The following NAV3 variants were observed in gnomAD, a reference collection of about 807,000 sequenced individuals.
The protein encoded by NAV3 is pore membrane and/or filament interacting like protein 1.
In NAV3, 87 loss-of-function variants were observed where a neutral mutation model predicts 244.7. The observed-to-expected ratio is 0.36, with a 90% CI of 0.30 to 0.42. NAV3 has a LOEUF of 0.42. Among genes scored for constraint, NAV3 ranks in the 20% least tolerant of loss-of-function variants. The pLI is 1.00. For missense variants in NAV3, 2,663 were observed against 2,893.3 expected (o/e 0.92, Z 1.83); for synonymous variants, 1,126 against 1,042.2 (o/e 1.08, Z -1.55).
chr12:77,817,726 T>C (rs1440935733), intron 2 of NAV3, among the ~76,000 whole-genome samples: 1 of 152,178 alleles, frequency 6.6e-6, no homozygotes, highest in African/African-American at 2.4e-5. Flanking sequence ...GCAGTTATGG[T>C]CACCATATGC....
At chr12:78,045,966 T>C (rs1361588396) in intron 9 of NAV3, among the ~76,000 whole-genome samples, 1 of 152,164 alleles carries the variant, frequency 6.6e-6, no homozygotes, top group African/African-American at 2.4e-5. Flanking sequence ...CTTGGGAGGG[T>C]GTATGTGTCC....
Position 77,670,883 on chromosome 12 carries a change from G to T in NAV3, c.72+98617G>T, listed in dbSNP as rs79496627. Among the ~76,000 whole-genome samples, 8 of 152,134 alleles carry T rather than the reference G, an allele frequency of 5.3e-5. No individual in the cohort carries two copies. The East Asian group carries it at 1.5e-3, about 29-fold the overall frequency. On this transcript the variant is annotated intron_variant, in intron 2 of 8. Transcript: ENST00000550042. The stretch of plus-strand genomic sequence containing the variant: ...TTCTCCCTAAGAAGTGGAACAAGAC[G>T]AGGATGGGTACTTTCACCACTTGTA...
intron 2 of NAV3, among the ~76,000 whole-genome samples, chr12:77,743,860 A>C (rs966770640): frequency 3.3e-5 from 5 of 151,810 alleles, no homozygotes; most frequent in African/African-American, 4.8e-5. Flanking sequence ...TTTCTAATAC[A>C]CTGTTTGGCA....
chr12:77,712,032 G>A (rs1353126166), intron 2 of NAV3, among the ~76,000 whole-genome samples: 1 of 152,080 alleles, frequency 6.6e-6, no homozygotes, highest in Non-Finnish European at 1.5e-5. Flanking sequence ...GTGCATGTCT[G>A]TCCTTTAAAC....
intron 1 of NAV3, among the ~76,000 whole-genome samples, chr12:77,905,904 C>G (rs796268898): frequency 3.3e-5 from 5 of 152,106 alleles, no homozygotes; most frequent in African/African-American, 1.2e-4. Flanking sequence ...GACATGATGG[C>G]CTGCCAACTC....
In NAV3 at chr12:77,645,964, G is replaced by C. The variant is rs150364992; in HGVS notation, c.72+73698G>C. On this transcript the variant is annotated intron_variant, in intron 2 of 8. Transcript: ENST00000550042. Reference sequence around the variant, plus strand: ...TAACATTTTAGGAGTGGAATTGAGGGGTGACCTTAGGATTACTAGATTTTA... The same window carrying C: ...TAACATTTTAGGAGTGGAATTGAGGCGTGACCTTAGGATTACTAGATTTTA... Among the ~76,000 whole-genome samples, 855 of 152,006 alleles carry C rather than the reference G, an allele frequency of 5.6e-3. 7 individuals are homozygous for C. The highest frequency in any genetic ancestry group is 0.02 in the African/African-American group (810 of 41,468).
chr12:77,931,965 A>C (rs1888850393), intron 1 of NAV3, among the ~76,000 whole-genome samples: 1 of 151,910 alleles, frequency 6.6e-6, no homozygotes, highest in Admixed American at 6.6e-5. Context: ...TTTGTGATTC[A>C]TTATAGGCCA....
At chr12:77,974,503 G>A (rs1893294295) in intron 5 of NAV3, among the ~76,000 whole-genome samples, 1 of 150,706 alleles carries the variant, frequency 6.6e-6, no homozygotes, top group South Asian at 2.1e-4. Context: ...TCACCATGTT[G>A]GCCATGGTGG....
intron 33 of NAV3, among the ~76,000 whole-genome samples, chr12:78,189,239 A>G (rs189880189): frequency 3.4e-4 from 52 of 152,020 alleles, no homozygotes; most frequent in African/African-American, 1.1e-3. Context: ...TTTGCTTTAG[A>G]TGATGTGATT....
At chr12:77,883,996 C>A (rs1677909) in intron 1 of NAV3, among the ~76,000 whole-genome samples, 20,689 of 152,022 alleles carry the variant, frequency 0.14, 1,519 homozygotes, top group East Asian at 0.22. Flanking sequence ...AATAAAGCCA[C>A]CAATAACCTC....
intron 12 of NAV3, among the ~76,000 whole-genome samples, chr12:78,078,375 CTTTTTTTTTTTTTTTTTTTTTTTTTTTT>C (rs71088356): frequency 1.5e-5 from 1 of 67,808 alleles, no homozygotes; most frequent in Non-Finnish European, 2.7e-5. Flanking sequence ...TCTTTCCACT[CTTTTTTTTTTTTTTTTTTTTTTTTTTTT>C]TTTTTTTTTT....
intron 5 of NAV3, among the ~76,000 whole-genome samples, chr12:77,984,293 G>A (rs1296736411): frequency 6.6e-6 from 1 of 152,204 alleles, no homozygotes; most frequent in Non-Finnish European, 1.5e-5. Flanking sequence ...CTCAGCCATT[G>A]TCCTGAAAGA....
At chr12:77,936,371 A>G (rs1889329312) in intron 1 of NAV3, among the ~76,000 whole-genome samples, 1 of 152,220 alleles carries the variant, frequency 6.6e-6, no homozygotes, top group Admixed American at 6.5e-5. Flanking sequence ...ATGGGATGAT[A>G]TTTATATTCA....
intron 2 of NAV3, among the ~76,000 whole-genome samples, chr12:77,773,745 A>G (rs1870215565): frequency 6.6e-6 from 1 of 152,174 alleles, no homozygotes; most frequent in African/African-American, 2.4e-5. Flanking sequence ...TGACAACTTT[A>G]TATGCAGTTT....
chr12:77,869,784 C>G (rs1880658517), intron 1 of NAV3, among the ~76,000 whole-genome samples: 1 of 152,074 alleles, frequency 6.6e-6, no homozygotes, highest in Non-Finnish European at 1.5e-5. Flanking sequence ...TGTTGAATAT[C>G]TTTCTTCTCC....
intron 2 of NAV3, among the ~76,000 whole-genome samples, chr12:77,608,505 G>A (rs1488205390): frequency 6.6e-6 from 1 of 152,056 alleles, no homozygotes. Context: ...TTTTAGATAT[G>A]GAGTTGGGCC....
intron 2 of NAV3, among the ~76,000 whole-genome samples, chr12:77,588,920 G>A (rs1190501495): frequency 1.3e-5 from 2 of 152,130 alleles, no homozygotes; most frequent in Non-Finnish European, 2.9e-5. Flanking sequence ...TGAGCACTAG[G>A]GAATGAAGGC....
At chr12:77,988,327 G>A (rs1177754698) in intron 5 of NAV3, among the ~76,000 whole-genome samples, 1 of 152,106 alleles carries the variant, frequency 6.6e-6, no homozygotes, top group Non-Finnish European at 1.5e-5. Flanking sequence ...CACAGATTCG[G>A]CCCTGTTTAC....
chr12:77,746,364 C>T (rs538940424), intron 2 of NAV3, among the ~76,000 whole-genome samples: 27 of 152,186 alleles, frequency 1.8e-4, no homozygotes, highest in African/African-American at 6.3e-4. Context: ...CATCAGAAGT[C>T]AACACAGACA....
Sources: allele counts gnomAD v4.1 joint callset (sites outside exome capture counted in the v4.1 genomes callset), GRCh38; gene constraint gnomAD v4.1.1; transcripts MANE v1.5; gene names NCBI Gene and HGNC (gene_info 2026-07-23, HGNC 2026-07-21).